SRRM4: variants seen among roughly 807,000 people sequenced by gnomAD.
The protein encoded by SRRM4 is serine/arginine repetitive matrix 4, also known as serine/arginine repetitive matrix protein 4.
A neutral mutation model predicts 68.9 loss-of-function variants in SRRM4; 33 were observed. That is an observed-to-expected ratio of 0.48 (90% CI 0.36 to 0.64). The LOEUF is 0.64. SRRM4 is among the 30% of genes least tolerant of loss of function. The pLI, the probability that SRRM4 is intolerant of heterozygous loss-of-function variation, is 0.00. For missense variants in SRRM4, 817 were observed against 827.1 expected (o/e 0.99, Z 0.15); for synonymous variants, 318 against 318.8 (o/e 1.00, Z 0.03).
At chr12:119,045,518 A>C in intron 1 of SRRM4, among the ~76,000 whole-genome samples, 1 of 125,362 alleles carries the variant, frequency 8.0e-6, no homozygotes, top group Non-Finnish European at 1.6e-5. Flanking sequence ...ACAGAGACAC[A>C]CCCTGCTTCT....
intron 1 of SRRM4, among the ~76,000 whole-genome samples, chr12:119,013,940 C>A (rs1323558491): frequency 6.6e-6 from 1 of 152,150 alleles, no homozygotes; most frequent in Admixed American, 6.6e-5. Context: ...CCCTTCTTCC[C>A]AACCCAGGGT....
At chr12:119,144,296 G>A (rs1331602971) in intron 8 of SRRM4, among the ~76,000 whole-genome samples, 1 of 152,164 alleles carries the variant, frequency 6.6e-6, no homozygotes, top group African/African-American at 2.4e-5. Flanking sequence ...AGGGTTTCCT[G>A]CTCCAACTTG....
At chr12:119,034,642 C>A (rs987859177) in intron 1 of SRRM4, among the ~76,000 whole-genome samples, 5 of 151,944 alleles carry the variant, frequency 3.3e-5, no homozygotes, top group African/African-American at 1.2e-4. Context: ...TCCTTTATAC[C>A]TTTTGAAGCT....
intron 8 of SRRM4, among the ~76,000 whole-genome samples, chr12:119,137,628 GAGAGAGGAGAT>G (rs1954339128): frequency 4.8e-5 from 6 of 123,762 alleles, no homozygotes; most frequent in African/African-American, 1.5e-4. Context: ...GAGAGAGAGA[GAGAGAGGAGAT>G]ACTGGAGCTT....
Position 119,082,481 on chromosome 12 carries a change from C to A in SRRM4, c.132-19755C>A, listed in dbSNP as rs373838442. Among the ~76,000 whole-genome samples, 11 of 152,334 alleles carry A rather than the reference C, an allele frequency of 7.2e-5. No individual in the cohort carries two copies. The East Asian group carries it at 1.5e-3, about 21-fold the overall frequency. ...GGAGAATGTGCTCGTGATTTCCCCC[C>A]CTTCTTTTAAATTGCAACAAAAGGC... On this transcript the variant is annotated intron_variant, in intron 1 of 12. Transcript: ENST00000267260.
chr12:119,064,735 T>C (rs757733672), intron 1 of SRRM4, among the ~76,000 whole-genome samples: 8 of 152,186 alleles, frequency 5.3e-5, no homozygotes, highest in Non-Finnish European at 1.2e-4. Context: ...CAGAAAGTGC[T>C]TTATAAATGT....
Position 119,102,345 on chromosome 12 carries a change from A to G in SRRM4, c.241A>G (p.Lys81Glu), listed in dbSNP as rs1272418761. 1.2e-6 allele frequency: 2 copies of G among 1,613,448 alleles called. No individual in the cohort carries two copies. The highest frequency in any genetic ancestry group is 1.7e-5 in the Admixed American group (1 of 59,970). Residue 81 changes from lysine (K) to glutamate (E), a missense_variant, in exon 2 of 13, where the codon AAG becomes GAG. Transcript: ENST00000267260. ...GGGCACCAACAGTTGGGAGAGAGACAAGACCTGTCGGGAACTGGGTGCCAC... is the reference window on the plus strand; with the variant it reads ...GGGCACCAACAGTTGGGAGAGAGACGAGACCTGTCGGGAACTGGGTGCCAC... ...PLGTNSWERD[K>E]TCRELGATRG...
chr12:119,042,944 G>A (rs1953679177), intron 1 of SRRM4, among the ~76,000 whole-genome samples: 1 of 152,166 alleles, frequency 6.6e-6, no homozygotes, highest in South Asian at 2.1e-4. Context: ...CTGTTGGTGG[G>A]AGTGTAAATT....
chr12:119,057,004 G>A (rs1953780226), intron 1 of SRRM4, among the ~76,000 whole-genome samples: 2 of 152,120 alleles, frequency 1.3e-5, no homozygotes, highest in African/African-American at 2.4e-5. Flanking sequence ...TATTTGGTAA[G>A]CAACATTACT....
chr12:119,052,704 A>G (rs1953751846), intron 1 of SRRM4, among the ~76,000 whole-genome samples: 1 of 151,932 alleles, frequency 6.6e-6, no homozygotes, highest in South Asian at 2.1e-4. Flanking sequence ...AATTTTTTGT[A>G]TTTTTAGTAG....
intron 10 of SRRM4, among the ~76,000 whole-genome samples, chr12:119,152,645 T>G (rs1954447021): frequency 6.6e-6 from 1 of 152,218 alleles, no homozygotes. Flanking sequence ...GATAATATCC[T>G]TTCAAAGTAT....
rs117241298 is a variant in SRRM4 at position 119,015,592 on chromosome 12, T to C, written c.131+33579T>C. 5.4e-4 allele frequency among the ~76,000 whole-genome samples: 82 copies of C among 152,312 alleles called. 2 individuals are homozygous for C. In the East Asian group the frequency reaches 0.015, roughly 29 times the overall value. ...AACTTTGTATTTTGAATTTTTAAAA[T>C]ATATGACTGCATTTAGAACTACCCT... On this transcript the variant is annotated intron_variant, in intron 1 of 12. Coordinates refer to ENST00000267260, the MANE Select transcript of SRRM4 (RefSeq NM_194286.4).
intron 2 of SRRM4, among the ~76,000 whole-genome samples, chr12:119,112,098 G>A (rs55934056): frequency 0.015 from 2,226 of 151,990 alleles, 31 homozygotes; most frequent in Non-Finnish European, 0.026. Flanking sequence ...GTTTACACAA[G>A]CATCCTGTTT....
intron 2 of SRRM4, among the ~76,000 whole-genome samples, chr12:119,105,394 C>T (rs1954100976): frequency 6.6e-6 from 1 of 152,210 alleles, no homozygotes. Context: ...GGAATCACCA[C>T]ACTGTCTTCC....
rs1565921315 is a variant in SRRM4, at chr12:119,156,479, TCTCTG to T, written c.1533-15_1533-11del. 6.3e-7 allele frequency: 1 copy of T among 1,579,242 alleles called. No homozygotes were observed. Reference sequence around the variant, plus strand: ...GAGGGGCCGGCCCTCATCCCTCCTCTCTCTGGTCTCTGCAGTGCCCGGAAACGCCC... The same window carrying T: ...GAGGGGCCGGCCCTCATCCCTCCTCTGTCTCTGCAGTGCCCGGAAACGCCC... On this transcript the variant is annotated splice_polypyrimidine_tract_variant and intron_variant, in intron 12 of 12. Transcript: ENST00000267260.
chr12:119,065,501 C>T (rs1014632526), intron 1 of SRRM4, among the ~76,000 whole-genome samples: 1 of 152,144 alleles, frequency 6.6e-6, no homozygotes, highest in African/African-American at 2.4e-5. Context: ...CTTTGGGAGG[C>T]TGAAGCGGGA....
At chr12:119,121,064 G>A (rs143772294) in intron 5 of SRRM4, among the ~76,000 whole-genome samples, 307 of 152,282 alleles carry the variant, frequency 2.0e-3, no homozygotes, top group Non-Finnish European at 2.5e-3. Context: ...CCCATTTCAC[G>A]GTTGAAGAAA....
chr12:118,998,561 G>A (rs1052862464), intron 1 of SRRM4, among the ~76,000 whole-genome samples: 1 of 152,182 alleles, frequency 6.6e-6, no homozygotes, highest in South Asian at 2.1e-4. Flanking sequence ...TGTTGGTGCC[G>A]TGCTCATCAC....
At chr12:119,073,312 C>CTTTTTTTTTTTTTT (rs71451813) in intron 1 of SRRM4, among the ~76,000 whole-genome samples, 2 of 103,140 alleles carry the variant, frequency 1.9e-5, no homozygotes, top group East Asian at 2.2e-4. Flanking sequence ...TCTCTCTCCT[C>CTTTTTTTTTTTTTT]TTTTTTTTTT....
Sources: allele counts gnomAD v4.1 joint callset (sites outside exome capture counted in the v4.1 genomes callset), GRCh38; gene constraint gnomAD v4.1.1; transcripts MANE v1.5; gene names NCBI Gene and HGNC (gene_info 2026-07-23, HGNC 2026-07-21).